JMJD1C: variants seen among roughly 807,000 people sequenced by gnomAD.
JMJD1C encodes the protein jumonji domain containing 1C.
JMJD1C carries 31 observed loss-of-function variants against 245.3 expected under a neutral mutation model. That is an observed-to-expected ratio of 0.13 (90% CI 0.09 to 0.17). The LOEUF is 0.17. JMJD1C is among the 10% of genes least tolerant of loss of function. JMJD1C has a pLI of 1.00. For missense variants in JMJD1C, 2,691 were observed against 3,000.2 expected (o/e 0.90, Z 2.41); for synonymous variants, 1,057 against 1,017.4 (o/e 1.04, Z -0.74).
intron 3 of JMJD1C, among the ~76,000 whole-genome samples, chr10:63,227,297 T>TA (rs899052861): frequency 1.3e-5 from 2 of 152,122 alleles, no homozygotes; most frequent in Non-Finnish European, 2.9e-5. Flanking sequence ...CCTAAGATAA[T>TA]AAGGTAGAGT....
At chr10:63,501,027 TCC>T (rs66763445) in intron 1 of JMJD1C, among the ~76,000 whole-genome samples, 152,355 of 152,356 alleles carry the variant, frequency 1, 76,177 homozygotes, top group Non-Finnish European at 1. Flanking sequence ...AATTCCCAAT[TCC>T]TATGGATGAG....
rs1433474857 is a variant in JMJD1C, at chr10:63,480,322, GA to G, written n.113+41415del. ...CCAGAAACAGCCTAAACTATAGTTT[GA>G]TTTTTTTTTTTTTTTGAGGCAGTCT... is the stretch of plus-strand genomic sequence containing the variant. On this transcript the variant is annotated intron_variant and non_coding_transcript_variant, in intron 1 of 3. Transcript: ENST00000633035. Among the ~76,000 whole-genome samples the G allele has an allele frequency of 4.1e-3, 612 of 148,790 alleles. 6 individuals carry two copies. Among genetic ancestry groups the G allele is most frequent in the African/African-American group, 0.015 (577 of 39,236 alleles).
At chr10:63,492,932 A>G (rs1433978410) in intron 1 of JMJD1C, among the ~76,000 whole-genome samples, 1 of 152,212 alleles carries the variant, frequency 6.6e-6, no homozygotes, top group Non-Finnish European at 1.5e-5. Context: ...GCTGTGAGGT[A>G]CTAACTGAAA....
chr10:63,375,675 C>T (rs1405831785), intron 2 of JMJD1C, among the ~76,000 whole-genome samples: 1 of 151,998 alleles, frequency 6.6e-6, no homozygotes, highest in Non-Finnish European at 1.5e-5. Flanking sequence ...CTTAGCCTCT[C>T]AAGTAGCTGA....
chr10:63,334,656 G>A (rs1010861017), intron 2 of JMJD1C, among the ~76,000 whole-genome samples: 1 of 151,996 alleles, frequency 6.6e-6, no homozygotes, highest in Non-Finnish European at 1.5e-5. Flanking sequence ...AAGAGGTGGA[G>A]GTTGCAGCGA....
intron 3 of JMJD1C, among the ~76,000 whole-genome samples, chr10:63,227,706 T>TATAC (rs1849474282): frequency 6.6e-6 from 1 of 152,224 alleles, no homozygotes; most frequent in African/African-American, 2.4e-5. Context: ...CCATCTTTGA[T>TATAC]AGTATAAGAG....
At chr10:63,224,179 T>C (rs1040735321) in intron 3 of JMJD1C, among the ~76,000 whole-genome samples, 1 of 152,236 alleles carries the variant, frequency 6.6e-6, no homozygotes, top group Non-Finnish European at 1.5e-5. Context: ...AACTGTTAAA[T>C]TGAGTCCCTT....
chr10:63,487,696 C>T (rs1268149317), intron 1 of JMJD1C, among the ~76,000 whole-genome samples: 1 of 152,154 alleles, frequency 6.6e-6, no homozygotes, highest in Non-Finnish European at 1.5e-5. Flanking sequence ...AGAGGCCTGA[C>T]AGATCAATGA....
At chr10:63,455,866 C>G (rs1952376720) in intron 1 of JMJD1C, among the ~76,000 whole-genome samples, 1 of 152,046 alleles carries the variant, frequency 6.6e-6, no homozygotes, top group African/African-American at 2.4e-5. Flanking sequence ...TGAAAAAACA[C>G]TGAAAATAAA....
chr10:63,202,760 C>A, intron 10 of JMJD1C: 7 of 985,298 alleles, frequency 7.1e-6, no homozygotes, highest in Non-Finnish European at 8.4e-6. Context: ...CTCCATTGTG[C>A]AAAAGAGATT....
At chr10:63,520,409 C>A (rs1369483668) in intron 1 of JMJD1C, among the ~76,000 whole-genome samples, 1 of 151,792 alleles carries the variant, frequency 6.6e-6, no homozygotes, top group Non-Finnish European at 1.5e-5. Flanking sequence ...ATTCTTCGCA[C>A]CATCTGAATA....
intron 2 of JMJD1C, among the ~76,000 whole-genome samples, chr10:63,371,229 G>A (rs555546085): frequency 7.3e-5 from 11 of 150,480 alleles, no homozygotes; most frequent in African/African-American, 1.7e-4. Context: ...CAATTCTCCC[G>A]CCTCAACCTC....
intron 10 of JMJD1C, chr10:63,203,216 C>T (rs994684973): frequency 2.3e-5 from 23 of 984,298 alleles, no homozygotes; most frequent in African/African-American, 3.5e-5. Flanking sequence ...ATTTAACTGT[C>T]ATAGTATTTG....
At chr10:63,500,748 G>GATGA (rs1554953937) in intron 1 of JMJD1C, among the ~76,000 whole-genome samples, 1 of 139,402 alleles carries the variant, frequency 7.2e-6, no homozygotes, top group African/African-American at 2.9e-5. Flanking sequence ...TGGATGGAAG[G>GATGA]ATGGATGGAT....
intron 1 of JMJD1C, among the ~76,000 whole-genome samples, chr10:63,462,827 A>G (rs947923618): frequency 6.6e-6 from 1 of 152,238 alleles, no homozygotes; most frequent in Non-Finnish European, 1.5e-5. Flanking sequence ...TGTGATCTCC[A>G]GAACTACAAA....
In JMJD1C at chr10:63,197,580, A is replaced by C. The variant is rs1845592353; in HGVS notation, c.5492-17T>G. On this transcript the variant is annotated splice_polypyrimidine_tract_variant and intron_variant, in intron 12 of 25. Transcript: ENST00000399262. ...CAATTTTGGCTGAAATACAGAAAAA[A>C]CAAAAATTTTAAAGGCAAACATGCT... 1.3e-6 allele frequency: 2 copies of C among 1,482,438 alleles called. No individual in the cohort carries two copies. The highest frequency in any genetic ancestry group is 1.5e-5 in the African/African-American group (1 of 68,414). 91.8% of individuals were successfully genotyped at this position (1,482,438 alleles called of 1,614,324 possible).
intron 1 of JMJD1C, among the ~76,000 whole-genome samples, chr10:63,520,524 GT>G (rs1463982152): frequency 4.9e-5 from 7 of 141,782 alleles, no homozygotes; most frequent in Admixed American, 1.4e-4. Context: ...AAAAAAAACA[GT>G]TTTAAAAGTC....
intron 1 of JMJD1C, among the ~76,000 whole-genome samples, chr10:63,413,412 T>C (rs1949604208): frequency 6.6e-6 from 1 of 152,186 alleles, no homozygotes; most frequent in South Asian, 2.1e-4. Context: ...ATATTATAGT[T>C]TAATATGTGT....
chr10:63,359,799 T>C (rs1343570715), intron 2 of JMJD1C, among the ~76,000 whole-genome samples: 1 of 152,210 alleles, frequency 6.6e-6, no homozygotes, highest in African/African-American at 2.4e-5. Context: ...GCTCTTACAA[T>C]TTAGAATTTA....
Sources: allele counts gnomAD v4.1 joint callset (sites outside exome capture counted in the v4.1 genomes callset), GRCh38; gene constraint gnomAD v4.1.1; transcripts MANE v1.5; gene names NCBI Gene and HGNC (gene_info 2026-07-23, HGNC 2026-07-21).